The following ODF2 variants were observed in gnomAD, a reference collection of about 807,000 sequenced individuals.
ODF2 encodes outer dense fiber of sperm tails 2.
Under a neutral mutation model 110.2 loss-of-function variants are expected in ODF2, and 47 were observed. The ratio of observed to expected loss-of-function variants is 0.43; its 90% CI spans 0.34 to 0.54. ODF2 has a LOEUF of 0.54. ODF2 is among the 20% of genes least tolerant of loss of function. ODF2 has a pLI of 0.03. For synonymous variants in ODF2, 352 were observed against 397.7 expected, an observed-to-expected ratio of 0.89 and a Z score of 1.37; for missense variants, 812 against 1,054.5, an observed-to-expected ratio of 0.77 and a Z score of 3.19.
At chr9:128,466,145 AAAAC>A (rs1191676408) in intron 4 of ODF2, among the ~76,000 whole-genome samples, 2 of 151,600 alleles carry the variant, frequency 1.3e-5, no homozygotes, top group Non-Finnish European at 2.9e-5. Context: ...TCTCAAAAAA[AAAAC>A]AAAAAAAACG....
chr9:128,458,375 T>C (rs1588681751), intron 2 of ODF2, among the ~76,000 whole-genome samples: 1 of 151,462 alleles, frequency 6.6e-6, no homozygotes, highest in African/African-American at 2.4e-5. Context: ...AATTGGAGAA[T>C]TGCTTGAAGC....
exon 21 of ODF2, chr9:128,500,239 G>C: frequency 6.2e-7 from 1 of 1,614,110 alleles, no homozygotes; most frequent in Non-Finnish European, 8.5e-7. Context: ...ATCCGCTCCC[G>C]ATCTCCTCCT....
Position 128,470,796 on chromosome 9 carries a change from A to G in ODF2, c.421-512A>G, listed in dbSNP as rs80068582. ...CTGAGTTTCCTCATCTACAAAAAGA[A>G]AATCAGCATCTCCCAGGAGAGTCAG... On this transcript the variant is annotated intron_variant, in intron 5 of 20. Coordinates refer to ENST00000604420, the Ensembl canonical transcript of ODF2. Among the ~76,000 whole-genome samples, 1,466 of 152,226 alleles carry G rather than the reference A, an allele frequency of 9.6e-3. 30 individuals carry two copies. The highest frequency in any genetic ancestry group is 0.073 in the East Asian group (376 of 5,182).
intron 20 of ODF2, among the ~76,000 whole-genome samples, chr9:128,499,833 C>G (rs537595834): frequency 1.3e-5 from 2 of 152,254 alleles, no homozygotes; most frequent in Admixed American, 1.3e-4. Context: ...TGGTCTTGAA[C>G]TCCTAGGCTC....
intron 4 of ODF2, among the ~76,000 whole-genome samples, chr9:128,465,718 C>T (rs1249801472): frequency 1.4e-5 from 2 of 142,380 alleles, no homozygotes; most frequent in African/African-American, 2.6e-5. Flanking sequence ...TCCAGCCTGG[C>T]GACAGAGCGA....
chr9:128,485,583 T>C lies in ODF2; in HGVS notation c.1400+109T>C, dbSNP rs1843202093. On this transcript the variant is annotated intron_variant, in intron 13 of 20. Transcript: ENST00000604420. This position sits in a 1 kb window ranked among gnomAD's most constrained non-coding sequence, Gnocchi z 5.0. ...GGCCACGTGGCTGCTGTTTGTACTC[T>C]CCGGGTTGGGGGCTGCACTGGGCTG... The C allele has an allele frequency of 6.2e-6, 4 of 649,304 alleles. No homozygotes were observed. Among genetic ancestry groups the C allele is most frequent in the Non-Finnish European group, 1.1e-5 (4 of 356,028 alleles). The allele number at this position is 649,304 out of a possible 1,614,324, so 40.2% of individuals were successfully genotyped here.
Position 128,494,403 on chromosome 9 carries a change from T to C in ODF2, c.1753-107T>C. On this transcript the variant is annotated intron_variant, in intron 16 of 20. Transcript: ENST00000604420. This position sits in a 1 kb window ranked among gnomAD's most constrained non-coding sequence, Gnocchi z 4.6. Reference sequence around the variant, plus strand: ...TTGCAGGATCCTCCACTGGGGACTGTGTCAGCCCTGCCCTAACTCTAAAGG... The same window carrying C: ...TTGCAGGATCCTCCACTGGGGACTGCGTCAGCCCTGCCCTAACTCTAAAGG... 2 of 963,792 alleles carry C rather than the reference T, an allele frequency of 2.1e-6. No individual in the cohort carries two copies. The highest frequency in any genetic ancestry group is 5.0e-5 in the East Asian group (2 of 39,698). 59.7% of individuals were successfully genotyped at this position (963,792 alleles called of 1,614,324 possible).
rs1369148593 is a variant in ODF2, at chr9:128,487,785, T to TA, written c.1401-98dup. 102 of 1,392,310 alleles carry TA rather than the reference T, an allele frequency of 7.3e-5. 1 individual carries two copies. In the South Asian group the frequency reaches 1.2e-3, roughly 16 times the overall value. 86.2% of individuals were successfully genotyped at this position (1,392,310 alleles called of 1,614,324 possible). ...CTAGGTGACAGAGCGAGACTCCGTCTAAAAAAACAAACAAACAAAACACAC... is the reference window on the plus strand; with the variant it reads ...CTAGGTGACAGAGCGAGACTCCGTCTAAAAAAAACAAACAAACAAAACACAC... On this transcript the variant is annotated intron_variant, in intron 13 of 20. Transcript: ENST00000604420.
rs565117056 is a variant in ODF2, at chr9:128,483,192, C to T, written c.987+305C>T. ...ACAGGCATGAGCCACTGCGCCCAGC[C>T]GCAGTTGTGCATTTTTATGAGCCAG... On this transcript the variant is annotated intron_variant, in intron 10 of 20. Transcript: ENST00000604420. 4.3e-4 allele frequency among the ~76,000 whole-genome samples: 66 copies of T among 152,110 alleles called. 1 individual carries two copies. In the South Asian group the frequency reaches 0.013, roughly 31 times the overall value.
intron 7 of ODF2, 74 bp from the exon 8 acceptor site, chr9:128,473,536 C>T: frequency 6.3e-7 from 1 of 1,586,358 alleles, no homozygotes; most frequent in Non-Finnish European, 8.6e-7. Context: ...TGGCACCAGA[C>T]CTCTTGAGTG....
At chr9:128,479,133 G>T (rs971435032) in intron 8 of ODF2, among the ~76,000 whole-genome samples, 2 of 152,182 alleles carry the variant, frequency 1.3e-5, no homozygotes, top group African/African-American at 4.8e-5. Context: ...TGTTGCCAGA[G>T]AAACCATAAT....
intron 5 of ODF2, among the ~76,000 whole-genome samples, chr9:128,469,983 CAAAAAAAAAAAAA>C (rs1187840225): frequency 3.1e-4 from 2 of 6,360 alleles, no homozygotes; most frequent in African/African-American, 9.1e-4. Flanking sequence ...GTCTCTGTCT[CAAAAAAAAAAAAA>C]AAAAAAAAAA....
intron 14 of ODF2, among the ~76,000 whole-genome samples, chr9:128,490,782 A>G (rs1339458630): frequency 6.6e-6 from 1 of 152,116 alleles, no homozygotes; most frequent in African/African-American, 2.4e-5. Flanking sequence ...TGATTTAACT[A>G]TATTTACGGA....
chr9:128,470,018 AATATATATAT>A (rs769896764), intron 5 of ODF2, among the ~76,000 whole-genome samples: 1,108 of 16,988 alleles, frequency 0.065, 88 homozygotes, highest in East Asian at 0.15. Context: ...AAAAAAAAAA[AATATATATAT>A]ATATATATAT....
chr9:128,498,974 C>A, intron 19 of ODF2, 27 bp from the exon 20 acceptor site: 2 of 1,612,100 alleles, frequency 1.2e-6, no homozygotes, highest in South Asian at 1.1e-5. Context: ...GTAAACCAGT[C>A]TCATGTCTGG....
chr9:128,480,751 A>C (rs917120076), intron 8 of ODF2, among the ~76,000 whole-genome samples: 5 of 152,290 alleles, frequency 3.3e-5, no homozygotes, highest in African/African-American at 1.2e-4. Flanking sequence ...TGGGAGGCAG[A>C]GGTTGCAGTG....
rs368926689 is a variant in ODF2, at chr9:128,482,794, G to A, written c.916-22G>A. ...CTCTTTGCCCTTCCCAGGGGCACCT[G>A]ACAGCCTGTGTTCTCTCCCAGCGCC... is the stretch of plus-strand genomic sequence containing the variant. On this transcript the variant is annotated intron_variant, in intron 9 of 20. Coordinates refer to ENST00000604420, the Ensembl canonical transcript of ODF2. 1.1e-5 allele frequency: 17 copies of A among 1,607,164 alleles called. No homozygotes were observed. The South Asian group carries it at 1.9e-4, about 18-fold the overall frequency.
chr9:128,475,351 T>G (rs1841033948), intron 8 of ODF2, among the ~76,000 whole-genome samples: 1 of 152,174 alleles, frequency 6.6e-6, no homozygotes, highest in South Asian at 2.1e-4. Flanking sequence ...TTTCTTATTT[T>G]GATAGTCAAA....
At position 128,498,333 on chromosome 9, in the gene ODF2, G is replaced by T; in HGVS notation, c.2013-80G>T. The T allele has an allele frequency of 1.5e-5, 21 of 1,432,486 alleles. No homozygotes were observed. The South Asian group carries it at 3.0e-4, about 20-fold the overall frequency. 88.7% of individuals were successfully genotyped at this position (1,432,486 alleles called of 1,614,324 possible). A position where few individuals can be genotyped will look rare whatever the true frequency, so the allele number is the denominator to read the frequency against. ...TGGCATGATGAGATCCCCAGTCCAGGAGAGGCTGGCAGCCCCCTGGCGGGG... is the reference window on the plus strand; with the variant it reads ...TGGCATGATGAGATCCCCAGTCCAGTAGAGGCTGGCAGCCCCCTGGCGGGG... On this transcript the variant is annotated intron_variant, in intron 18 of 20. Coordinates refer to ENST00000604420, the Ensembl canonical transcript of ODF2.
Sources: allele counts gnomAD v4.1 joint callset (sites outside exome capture counted in the v4.1 genomes callset), GRCh38; gene constraint gnomAD v4.1.1; non-coding constraint Gnocchi (gnomAD v3.1); transcripts MANE v1.5; gene names NCBI Gene and HGNC (gene_info 2026-07-23, HGNC 2026-07-21).